Variants in MPDZ observed in about 807,000 individuals in gnomAD.
MPDZ encodes the protein multiple PDZ domain protein.
A neutral mutation model predicts 239.1 loss-of-function variants in MPDZ; 234 were observed. The ratio of observed to expected loss-of-function variants is 0.98; its 90% CI spans 0.88 to 1.09. The LOEUF is 1.09. Ranked by LOEUF, MPDZ falls within the 50% of genes least tolerant of loss-of-function variation. MPDZ has a pLI of 0.00. For missense variants in MPDZ, 3,175 were observed against 2,510.0 expected, an observed-to-expected ratio of 1.26 and a Z score of -5.66; for synonymous variants, 1,048 against 881.3, an observed-to-expected ratio of 1.19 and a Z score of -3.35.
In MPDZ at chr9:13,260,831, T is replaced by C. The variant is rs76877516; in HGVS notation, c.-57-10459A>G. Among the ~76,000 whole-genome samples, 4 of 152,306 alleles carry C rather than the reference T, an allele frequency of 2.6e-5. No individual in the cohort carries two copies. The East Asian group carries it at 7.7e-4, about 29-fold the overall frequency. ...TGATCTTAGACCTTTCAACCTCCAA[T>C]ACCATGAAAATAAATTTCTATGGTT... On this transcript the variant is annotated intron_variant, in intron 1 of 46. Coordinates refer to ENST00000319217, the MANE Select transcript of MPDZ (RefSeq NM_001378778.1).
chr9:13,262,750 A>G (rs1173149983), intron 1 of MPDZ, among the ~76,000 whole-genome samples: 1 of 152,116 alleles, frequency 6.6e-6, no homozygotes, highest in Non-Finnish European at 1.5e-5. Context: ...CATATTCACA[A>G]TAAACACAAG....
At chr9:13,140,597 A>G (rs1587160174) in intron 27 of MPDZ, among the ~76,000 whole-genome samples, 2 of 151,522 alleles carry the variant, frequency 1.3e-5, no homozygotes, top group East Asian at 4.0e-4. Context: ...TAATTCACTA[A>G]ACTTTTATTT....
At chr9:13,264,203 GTTATTT>G (rs541951804) in intron 1 of MPDZ, among the ~76,000 whole-genome samples, 56 of 152,016 alleles carry the variant, frequency 3.7e-4, no homozygotes, top group Non-Finnish European at 7.4e-4. Flanking sequence ...GCTTTTGAAA[GTTATTT>G]TTATTTTTAA....
intron 1 of MPDZ, among the ~76,000 whole-genome samples, chr9:13,262,301 T>A (rs933170527): frequency 1.4e-4 from 21 of 151,450 alleles, no homozygotes; most frequent in African/African-American, 5.1e-4. Context: ...AAAAAAAAAA[T>A]TAGCCAGGAG....
chr9:13,189,073 G>A (rs1022542221), intron 16 of MPDZ, 80 bp from the exon 17 acceptor site: 10 of 1,211,914 alleles, frequency 8.3e-6, no homozygotes, highest in Middle Eastern at 2.2e-4. Context: ...AAATCGTAAC[G>A]AATGAGTAAT....
At chr9:13,122,296 T>C (rs1944466998) in intron 36 of MPDZ, 126 bp from the exon 37 acceptor site, 2 of 785,534 alleles carry the variant, frequency 2.5e-6, no homozygotes, top group Non-Finnish European at 4.0e-6. Context: ...GGCTCTACAG[T>C]ACAAGCTCCA....
At chr9:13,212,748 G>A (rs1045721891) in intron 10 of MPDZ, among the ~76,000 whole-genome samples, 5 of 148,056 alleles carry the variant, frequency 3.4e-5, no homozygotes, top group Admixed American at 6.8e-5. Context: ...AGAGGCGAGA[G>A]GATCTGTCAA....
intron 3 of MPDZ, among the ~76,000 whole-genome samples, chr9:13,242,826 A>G (rs1228281655): frequency 6.6e-6 from 1 of 152,118 alleles, no homozygotes; most frequent in African/African-American, 2.4e-5. Flanking sequence ...TTTTTGCTGT[A>G]GGAGGCTGTG....
At chr9:13,136,475 G>A (rs1034528427) in intron 30 of MPDZ, among the ~76,000 whole-genome samples, 1 of 151,404 alleles carries the variant, frequency 6.6e-6, no homozygotes, top group Non-Finnish European at 1.5e-5. Flanking sequence ...GGGACTACAG[G>A]TGCGTGCCAC....
intron 3 of MPDZ, among the ~76,000 whole-genome samples, chr9:13,236,284 T>A (rs1964019346): frequency 3.6e-5 from 3 of 83,192 alleles, no homozygotes; most frequent in South Asian, 4.6e-4. Flanking sequence ...TTTTTTTTTT[T>A]TTTTTTTTTT....
intron 10 of MPDZ, among the ~76,000 whole-genome samples, chr9:13,210,299 G>A (rs1957467894): frequency 6.6e-6 from 1 of 151,964 alleles, no homozygotes. Context: ...CTATATCAAA[G>A]CAAGTTGTAA....
chr9:13,144,880 A>G (rs1471351050), intron 26 of MPDZ, among the ~76,000 whole-genome samples: 1 of 152,092 alleles, frequency 6.6e-6, no homozygotes, highest in Non-Finnish European at 1.5e-5. Flanking sequence ...AACGTGGAAG[A>G]AATGACTAGG....
chr9:13,135,516 A>G (rs1946604008), intron 31 of MPDZ: 1 of 152,122 alleles, frequency 6.6e-6, no homozygotes. Context: ...TTTTCTCTAC[A>G]GTACTGCCAG....
chr9:13,204,578 T>G (rs1956782604), intron 12 of MPDZ, among the ~76,000 whole-genome samples: 1 of 152,106 alleles, frequency 6.6e-6, no homozygotes, highest in African/African-American at 2.4e-5. Flanking sequence ...CCTGAAAAAT[T>G]AAGAAGTGAT....
chr9:13,236,793 A>T (rs1290173962), intron 3 of MPDZ, among the ~76,000 whole-genome samples: 1 of 151,934 alleles, frequency 6.6e-6, no homozygotes, highest in Admixed American at 6.6e-5. Flanking sequence ...TTATCAAAAA[A>T]TTGTTTACCT....
chr9:13,109,429 CCAAGCT>C (rs1252353041), intron 45 of MPDZ, among the ~76,000 whole-genome samples: 3 of 152,150 alleles, frequency 2.0e-5, no homozygotes, highest in East Asian at 3.9e-4. Flanking sequence ...ATCAGTACGC[CCAAGCT>C]CAGAGAGAAA....
At chr9:13,222,607 C>T (rs972841312) in intron 5 of MPDZ, among the ~76,000 whole-genome samples, 161 bp from the exon 6 acceptor site, 1 of 152,092 alleles carries the variant, frequency 6.6e-6, no homozygotes, top group Admixed American at 6.6e-5. Flanking sequence ...CACGCCTTGG[C>T]TGCAGGTCAT....
At chr9:13,208,504 T>A (rs1259548833) in intron 10 of MPDZ, among the ~76,000 whole-genome samples, 2 of 150,054 alleles carry the variant, frequency 1.3e-5, no homozygotes, top group Non-Finnish European at 3.0e-5. Flanking sequence ...CAAGATGGAG[T>A]ACCCTTACTG....
At chr9:13,184,568 T>C (rs1240561923) in intron 18 of MPDZ, among the ~76,000 whole-genome samples, 3 of 151,990 alleles carry the variant, frequency 2.0e-5, no homozygotes, top group African/African-American at 4.8e-5. Context: ...ATAGGCCTAA[T>C]AATATATTTT....
Sources: allele counts gnomAD v4.1 joint callset (sites outside exome capture counted in the v4.1 genomes callset), GRCh38; gene constraint gnomAD v4.1.1; transcripts MANE v1.5; gene names NCBI Gene and HGNC (gene_info 2026-07-23, HGNC 2026-07-21).